Variants in N4BP1 observed in about 807,000 individuals in gnomAD.
The protein encoded by N4BP1 is NEDD4-binding protein 1.
Under a neutral mutation model 70.9 loss-of-function variants are expected in N4BP1, and 21 were observed. The observed-to-expected ratio is 0.30, with a 90% confidence interval of 0.21 to 0.43. N4BP1 has a LOEUF of 0.43. Ranked by LOEUF, N4BP1 falls within the 20% of genes least tolerant of loss-of-function variation. N4BP1 has a pLI of 1.00. For synonymous variants in N4BP1, 387 were observed against 394.6 expected, an observed-to-expected ratio of 0.98 and a Z score of 0.23; for missense variants, 936 against 1,069.4, an observed-to-expected ratio of 0.88 and a Z score of 1.74.
intron 1 of N4BP1, among the ~76,000 whole-genome samples, chr16:48,594,163 A>G (rs571165628): frequency 1.7e-4 from 26 of 152,334 alleles, no homozygotes; most frequent in Non-Finnish European, 3.4e-4. Flanking sequence ...ACTACAAAAA[A>G]GGTGGCGGAG....
chr16:48,608,000 T>A lies in N4BP1; in HGVS notation c.198+1775A>T, dbSNP rs556979876. 2.0e-5 allele frequency among the ~76,000 whole-genome samples: 3 copies of A among 152,322 alleles called. No homozygotes were observed. The East Asian group carries it at 5.8e-4, about 29-fold the overall frequency. On this transcript the variant is annotated intron_variant, in intron 1 of 6. Coordinates refer to ENST00000262384, the MANE Select transcript of N4BP1 (RefSeq NM_153029.4). ...CCTCAGCCTCCCGAGTAGCTGGGCC[T>A]ACAGGCGCGTACCACCACGCCGGGC...
At chr16:48,571,806 T>C (rs1964024503) in intron 1 of N4BP1, among the ~76,000 whole-genome samples, 1 of 152,158 alleles carries the variant, frequency 6.6e-6, no homozygotes, top group African/African-American at 2.4e-5. Context: ...GAAAGAGGCC[T>C]TAAAGGTCCA....
At chr16:48,593,221 T>C (rs112000185) in intron 1 of N4BP1, among the ~76,000 whole-genome samples, 172 of 152,340 alleles carry the variant, frequency 1.1e-3, no homozygotes, top group African/African-American at 3.1e-3. Context: ...GTGTCTGTTC[T>C]AGGCTCCACA....
At chr16:48,575,056 C>CA (rs769374381) in intron 1 of N4BP1, among the ~76,000 whole-genome samples, 9 of 152,198 alleles carry the variant, frequency 5.9e-5, no homozygotes, top group Non-Finnish European at 1.2e-4. Context: ...TGCACAAACC[C>CA]ATTTTTTTTG....
chr16:48,569,944 C>T (rs1229689241), intron 1 of N4BP1, among the ~76,000 whole-genome samples: 1 of 152,120 alleles, frequency 6.6e-6, no homozygotes, highest in East Asian at 1.9e-4. Context: ...CTTTGGTCCT[C>T]CACCTAGAAA....
At chr16:48,568,263 G>T (rs1258211717) in intron 1 of N4BP1, among the ~76,000 whole-genome samples, 1 of 152,102 alleles carries the variant, frequency 6.6e-6, no homozygotes, top group Non-Finnish European at 1.5e-5. Flanking sequence ...AATCCCGTTG[G>T]TAAAAATTTT....
chr16:48,609,891 C>G lies in N4BP1; in HGVS notation c.82G>C (p.Glu28Gln), dbSNP rs1288241591. The change falls in exon 1 of 7, where the codon GAG becomes CAG. Residue 28 changes from glutamate to glutamine, a missense_variant. Glu to Gln is a conservative substitution (Grantham distance 29, BLOSUM62 2). Transcript: ENST00000262384. ...GCTAGGCTCACGCCAAACAGGCCCT[C>G]GATACGGCCGCGGCTCTGCTCCAGC... is the stretch of plus-strand genomic sequence containing the variant. Reference protein sequence around the residue: ...ELLEQSRGRIEGLFGVSLAVL... With the variant: ...ELLEQSRGRIQGLFGVSLAVL... The G allele has an allele frequency of 1.4e-6, 2 of 1,477,826 alleles. No homozygotes were observed. Among genetic ancestry groups the G allele is most frequent in the Non-Finnish European group, 1.8e-6 (2 of 1,116,404 alleles). The allele number at this position is 1,477,826 out of a possible 1,614,324, so 91.5% of individuals were successfully genotyped here.
intron 2 of N4BP1, among the ~76,000 whole-genome samples, chr16:48,555,408 G>A (rs1204584342): frequency 6.6e-6 from 1 of 152,236 alleles, no homozygotes; most frequent in Non-Finnish European, 1.5e-5. Context: ...AGAGCAGGAA[G>A]AGGCTGGACA....
chr16:48,598,651 A>T (rs1276097119), intron 1 of N4BP1, among the ~76,000 whole-genome samples: 4 of 152,162 alleles, frequency 2.6e-5, no homozygotes, highest in Admixed American at 2.6e-4. Flanking sequence ...TCAGAAGGCA[A>T]AGATTACAAT....
At chr16:48,543,765 G>A (rs1738638790) in intron 6 of N4BP1, among the ~76,000 whole-genome samples, 1 of 152,170 alleles carries the variant, frequency 6.6e-6, no homozygotes, top group South Asian at 2.1e-4. Flanking sequence ...TGTGTACAGG[G>A]AGGGCATCTG....
In N4BP1 at chr16:48,542,179, G is replaced by C. The variant is rs534698051; in HGVS notation, c.*725C>G. On this transcript the variant is annotated 3_prime_UTR_variant, in exon 7 of 7. Transcript: ENST00000262384. ...AGCTGTGGCTGTGGCTGTGGGCATG[G>C]CCGGACGGCGTGCACACTGGGCCGT... The C allele has an allele frequency of 7.9e-5, 12 of 152,330 alleles. No individual in the cohort carries two copies. Among genetic ancestry groups the C allele is most frequent in the Non-Finnish European group, 1.6e-4 (11 of 68,104 alleles). The allele number at this position is 152,330 out of a possible 1,614,324, so 9.4% of individuals were successfully genotyped here.
rs1963459551 is a variant in N4BP1 at position 48,539,647 on chromosome 16, G to A, written c.*3257C>T. 1 of 152,276 alleles carries A rather than the reference G, an allele frequency of 6.6e-6. No homozygotes were observed. Among genetic ancestry groups the A allele is most frequent in the Non-Finnish European group, 1.5e-5 (1 of 68,070 alleles). The allele number at this position is 152,276 out of a possible 1,614,324, so 9.4% of individuals were successfully genotyped here. ...CCGGGCCTTCCTCCAGAACTACTGGGCAAGCATCTGCCGGGTCATGCCCGG... is the reference window on the plus strand; with the variant it reads ...CCGGGCCTTCCTCCAGAACTACTGGACAAGCATCTGCCGGGTCATGCCCGG... On this transcript the variant is annotated 3_prime_UTR_variant, in exon 7 of 7. Coordinates refer to ENST00000262384, the MANE Select transcript of N4BP1 (RefSeq NM_153029.4).
chr16:48,594,503 C>A (rs977143206), intron 1 of N4BP1, among the ~76,000 whole-genome samples: 8 of 152,056 alleles, frequency 5.3e-5, no homozygotes, highest in Admixed American at 6.5e-5. Context: ...TATAGGTGTA[C>A]GCCACTACAC....
In N4BP1 at chr16:48,545,899, C is replaced by T. The variant is rs141919512; in HGVS notation, c.2333+248G>A. On this transcript the variant is annotated intron_variant, in intron 6 of 6. Transcript: ENST00000262384. ...AAAAAGAGCTGGGCATGGTGGTATG[C>T]GCCTGTGGTCCCAGCTCCTCGGGAG... Among the ~76,000 whole-genome samples, 566 of 151,864 alleles carry T rather than the reference C, an allele frequency of 3.7e-3. 5 individuals are homozygous for T. Among genetic ancestry groups the T allele is most frequent in the African/African-American group, 0.013 (541 of 41,400 alleles).
chr16:48,573,604 C>A (rs1964053318), intron 1 of N4BP1, among the ~76,000 whole-genome samples: 1 of 151,822 alleles, frequency 6.6e-6, no homozygotes, highest in African/African-American at 2.4e-5. Context: ...AAACAAAAAA[C>A]AAACAAACAA....
At chr16:48,552,700 A>AAAAG (rs1963691779) in intron 3 of N4BP1, among the ~76,000 whole-genome samples, 1 of 77,034 alleles carries the variant, frequency 1.3e-5, no homozygotes, top group African/African-American at 7.3e-5. Context: ...TCCGTCTCAG[A>AAAAG]AAAAAAAAAA....
intron 1 of N4BP1, among the ~76,000 whole-genome samples, chr16:48,605,277 C>T (rs533726192): frequency 6.6e-6 from 1 of 152,172 alleles, no homozygotes; most frequent in South Asian, 2.1e-4. Flanking sequence ...GTGATCAGAC[C>T]ACTCGGCATC....
At chr16:48,585,965 G>C (rs1277751189) in intron 1 of N4BP1, among the ~76,000 whole-genome samples, 1 of 152,114 alleles carries the variant, frequency 6.6e-6, no homozygotes, top group African/African-American at 2.4e-5. Context: ...CAAAGTGCTG[G>C]GATTACGGGT....
chr16:48,542,824 G>A lies in N4BP1; in HGVS notation c.*80C>T, dbSNP rs999394111. ...TGGGAAATAAGTTTCTTCACATTATGTTCATTCCCATCAGGTACAGGTGTG... is the reference window on the plus strand; with the variant it reads ...TGGGAAATAAGTTTCTTCACATTATATTCATTCCCATCAGGTACAGGTGTG... On this transcript the variant is annotated 3_prime_UTR_variant, in exon 7 of 7. Transcript: ENST00000262384. The A allele has an allele frequency of 6.5e-6, 8 of 1,232,564 alleles. No individual in the cohort carries two copies. The Admixed American group carries it at 7.2e-5, about 11-fold the overall frequency. 76.4% of individuals were successfully genotyped at this position (1,232,564 alleles called of 1,614,324 possible).
Sources: allele counts gnomAD v4.1 joint callset (sites outside exome capture counted in the v4.1 genomes callset), GRCh38; gene constraint gnomAD v4.1.1; transcripts MANE v1.5; gene names NCBI Gene and HGNC (gene_info 2026-07-23, HGNC 2026-07-21).